DNM1L: variants seen among roughly 807,000 people sequenced by gnomAD.
DNM1L encodes dynamin 1L.
DNM1L carries 33 observed loss-of-function variants against 92.8 expected under a neutral mutation model. The observed-to-expected ratio is 0.36, with a 90% CI of 0.27 to 0.48. The LOEUF is 0.48. Among genes scored for constraint, DNM1L ranks in the 20% least tolerant of loss-of-function variants. The pLI, the probability that DNM1L is intolerant of heterozygous loss-of-function variation, is 0.99. For synonymous variants in DNM1L, 284 were observed against 305.0 expected (o/e 0.93, Z 0.72); for missense variants, 485 against 888.8 (o/e 0.55, Z 5.78).
chr12:32,738,012 T>C (rs1955020376), intron 15 of DNM1L, 70 bp downstream of exon 15: 1 of 1,486,632 alleles, frequency 6.7e-7, no homozygotes, highest in Non-Finnish European at 9.4e-7. Flanking sequence ...CTGGAAACAA[T>C]ACACTGAATA....
chr12:32,720,829 T>C, intron 8 of DNM1L, 34 bp downstream of exon 8: 1 of 1,610,664 alleles, frequency 6.2e-7, no homozygotes, highest in Non-Finnish European at 8.5e-7. Flanking sequence ...TGAGATGTGT[T>C]TGTTTTTACC....
intron 1 of DNM1L, among the ~76,000 whole-genome samples, chr12:32,681,595 C>A (rs1390139274): frequency 3.5e-5 from 5 of 141,896 alleles, no homozygotes; most frequent in Non-Finnish European, 7.7e-5. Flanking sequence ...CTCCCCACAC[C>A]GCCCCCCCGC....
intron 8 of DNM1L, 73 bp from the exon 9 acceptor site, chr12:32,722,354 A>G: frequency 1.6e-6 from 2 of 1,270,856 alleles, no homozygotes; most frequent in Middle Eastern, 2.6e-4. Context: ...TCCCCATTGT[A>G]AAAATTTGAC....
In DNM1L at chr12:32,731,171, TG is replaced by T. The variant is rs764084606; in HGVS notation, c.1200+38del. Reference sequence around the variant, plus strand: ...TAGCTTTTTAGACTGTAAAAAAAAATGAGGTTAAAGTTTTTCTTACCCATAT... The same window carrying T: ...TAGCTTTTTAGACTGTAAAAAAAAATAGGTTAAAGTTTTTCTTACCCATAT... On this transcript the variant is annotated intron_variant, in intron 10 of 19. Coordinates refer to ENST00000549701, the MANE Select transcript of DNM1L (RefSeq NM_012062.5). The surrounding 1 kb of genome is among the most constrained non-coding windows in gnomAD (Gnocchi z 5.1). The T allele has an allele frequency of 1.2e-6, 2 of 1,612,636 alleles. No individual in the cohort carries two copies. The highest frequency in any genetic ancestry group is 2.7e-5 in the African/African-American group (2 of 74,880).
intron 6 of DNM1L, among the ~76,000 whole-genome samples, chr12:32,718,035 C>A (rs1467858198): frequency 1.7e-5 from 2 of 120,846 alleles, no homozygotes; most frequent in South Asian, 2.4e-4. Flanking sequence ...TAAATATATA[C>A]TATACATACT....
At chr12:32,711,730 A>G (rs1384128702) in intron 5 of DNM1L, among the ~76,000 whole-genome samples, 2 of 152,114 alleles carry the variant, frequency 1.3e-5, no homozygotes, top group East Asian at 3.9e-4. Flanking sequence ...CCACGTCTCT[A>G]CAAAAAATAC....
chr12:32,743,432 A>ACT lies in DNM1L; in HGVS notation c.*23_*24dup, dbSNP rs112608623. On this transcript the variant is annotated 3_prime_UTR_variant, in exon 20 of 20. Coordinates refer to ENST00000549701, the MANE Select transcript of DNM1L (RefSeq NM_012062.5). ...GTGAAGAGAACTATGTAATACTGAG[A>ACT]CTTTGTTGACTCAAAACTTGCTAGT... The ACT allele has an allele frequency of 1.2e-6, 2 of 1,611,598 alleles. No homozygotes were observed. Among genetic ancestry groups the ACT allele is most frequent in the Non-Finnish European group, 1.7e-6 (2 of 1,178,134 alleles).
intron 1 of DNM1L, chr12:32,680,089 T>A: frequency 1.2e-6 from 1 of 855,314 alleles, no homozygotes; most frequent in Non-Finnish European, 1.4e-6. Flanking sequence ...TATCTAGAGT[T>A]CTGCGGGTGT....
At position 32,716,744 on chromosome 12, in the gene DNM1L, A is replaced by G. The variant is rs1018142257; in HGVS notation, c.620-1899A>G. Among the ~76,000 whole-genome samples the G allele has an allele frequency of 1.5e-3, 196 of 132,526 alleles. 2 individuals carry two copies. The highest frequency in any genetic ancestry group is 4.4e-3 in the African/African-American group (132 of 29,682). The allele number at this position is 132,526 out of a possible 152,430, so 86.9% of individuals were successfully genotyped here. On this transcript the variant is annotated intron_variant, in intron 6 of 19. Transcript: ENST00000549701. ...AGAGTATATATACACTATATATAGT[A>G]TATATATATATATATATATAGTAAC...
chr12:32,726,811 C>T, intron 9 of DNM1L: 1 of 621,384 alleles, frequency 1.6e-6, no homozygotes, highest in South Asian at 2.0e-5. Context: ...TCTTGTCCAT[C>T]AAAGGAAAAG....
chr12:32,679,778 T>C, intron 1 of DNM1L: 1 of 1,058,876 alleles, frequency 9.4e-7, no homozygotes, highest in Non-Finnish European at 1.1e-6. Context: ...TGGAGTCCGC[T>C]GGGACCGGGC....
intron 7 of DNM1L, among the ~76,000 whole-genome samples, chr12:32,720,336 A>G (rs920919125): frequency 1.3e-5 from 2 of 152,214 alleles, no homozygotes; most frequent in Non-Finnish European, 2.9e-5. Context: ...ATATTTTTAT[A>G]CCTGTCTATA....
Position 32,696,383 on chromosome 12 carries a change from A to AACACACACAC in DNM1L, c.103-5008_103-4999dup, listed in dbSNP as rs58224525. Among the ~76,000 whole-genome samples the AACACACACAC allele has an allele frequency of 1.2e-3, 172 of 145,114 alleles. 2 individuals are homozygous for AACACACACAC. Among genetic ancestry groups the AACACACACAC allele is most frequent in the Admixed American group, 2.6e-3 (38 of 14,438 alleles). On this transcript the variant is annotated intron_variant, in intron 1 of 19. Coordinates refer to ENST00000549701, the MANE Select transcript of DNM1L (RefSeq NM_012062.5). The stretch of plus-strand genomic sequence containing the variant: ...GAGACCCTGTCTACACACACACACA[A>AACACACACAC]ACACACACACACACACACACACACA...
At chr12:32,726,162 G>A (rs1323737850) in intron 9 of DNM1L, among the ~76,000 whole-genome samples, 3 of 152,136 alleles carry the variant, frequency 2.0e-5, no homozygotes, top group Non-Finnish European at 4.4e-5. Context: ...AGCAGCGAAT[G>A]AACATGTGTG....
rs1400677432 is a variant in DNM1L at position 32,707,405 on chromosome 12, A to G, written c.289A>G (p.Lys97Glu). Reference sequence around the variant, plus strand: ...AGAATGGGGTAAATTTCTTCACACCAAAAATAAGGTAATCACACATGCATA... The same window carrying G: ...AGAATGGGGTAAATTTCTTCACACCGAAAATAAGGTAATCACACATGCATA... The part of the protein sequence containing the change: ...AEEWGKFLHT[K>E]NKLYTDFDEI... Residue 97 changes from lysine to glutamate, a missense_variant, in exon 3 of 20, where the codon AAA (lysine) becomes GAA (glutamate). Transcript: ENST00000549701. 1 of 1,603,232 alleles carries G rather than the reference A, an allele frequency of 6.2e-7. No homozygotes were observed. Among genetic ancestry groups the G allele is most frequent in the Non-Finnish European group, 8.5e-7 (1 of 1,174,756 alleles).
intron 1 of DNM1L, among the ~76,000 whole-genome samples, chr12:32,680,936 AAG>A (rs762149809): frequency 6.6e-6 from 1 of 152,238 alleles, no homozygotes; most frequent in Non-Finnish European, 1.5e-5. Context: ...ATACTTTTAA[AAG>A]AGAGTCTCAG....
At chr12:32,705,980 A>G in intron 2 of DNM1L, 1 of 920,042 alleles carries the variant, frequency 1.1e-6, no homozygotes, top group Non-Finnish European at 1.5e-6. Flanking sequence ...GCCCATCCAC[A>G]TTGATTGCAG....
intron 1 of DNM1L, among the ~76,000 whole-genome samples, chr12:32,686,341 C>A (rs1344818485): frequency 6.6e-6 from 1 of 152,082 alleles, no homozygotes; most frequent in Non-Finnish European, 1.5e-5. Context: ...GCCACTGTGC[C>A]CAGCCAAAAT....
chr12:32,712,553 G>A (rs922652532), intron 5 of DNM1L, among the ~76,000 whole-genome samples: 7 of 149,504 alleles, frequency 4.7e-5, no homozygotes, highest in African/African-American at 1.7e-4. Flanking sequence ...GGGAGGCTGA[G>A]GCAGGAGGAT....
Sources: gnomAD v4.1 joint callset for allele counts (sites outside exome capture counted in the v4.1 genomes callset) on GRCh38, gnomAD v4.1.1 for gene constraint, Gnocchi (gnomAD v3.1) non-coding constraint, MANE v1.5 for transcripts, NCBI Gene and HGNC (gene_info 2026-07-23, HGNC 2026-07-21) for gene names.